The following DCLK2 variants were observed in gnomAD, a reference collection of about 807,000 sequenced individuals.
DCLK2 encodes doublecortin like kinase 2, also known as serine/threonine-protein kinase DCLK2.
Under a neutral mutation model 78.4 loss-of-function variants are expected in DCLK2, and 31 were observed. The observed-to-expected ratio is 0.40, with a 90% CI of 0.30 to 0.53. The LOEUF (loss-of-function observed/expected upper bound fraction) is 0.53. Among genes scored for constraint, DCLK2 ranks in the 20% least tolerant of loss-of-function variants. The pLI is 0.61. For synonymous variants in DCLK2, 407 were observed against 374.9 expected (o/e 1.09, Z -0.99); for missense variants, 872 against 973.7 (o/e 0.90, Z 1.39).
At chr4:150,254,189 G>C (rs944704816) in intron 15 of DCLK2, among the ~76,000 whole-genome samples, 22 of 152,228 alleles carry the variant, frequency 1.4e-4, no homozygotes, top group Non-Finnish European at 2.9e-5. Flanking sequence ...GCCGTCACTC[G>C]GCGCCTGCGG....
chr4:150,190,452 A>G (rs1286605473), intron 2 of DCLK2, among the ~76,000 whole-genome samples: 2 of 152,156 alleles, frequency 1.3e-5, no homozygotes, highest in East Asian at 3.8e-4. Flanking sequence ...TATCCATACC[A>G]TGGACTATTC....
intron 2 of DCLK2, among the ~76,000 whole-genome samples, chr4:150,144,346 T>C (rs1209071679): frequency 6.6e-6 from 1 of 152,192 alleles, no homozygotes; most frequent in African/African-American, 2.4e-5. Flanking sequence ...GGTGTCCTTT[T>C]CCCATTTATT....
chr4:150,119,687 CA>C (rs1169403487), intron 2 of DCLK2, among the ~76,000 whole-genome samples: 1 of 151,868 alleles, frequency 6.6e-6, no homozygotes, highest in Non-Finnish European at 1.5e-5. Flanking sequence ...AGTTGACTAG[CA>C]TGTTGATTTT....
At chr4:150,121,069 C>CT (rs978414885) in intron 2 of DCLK2, among the ~76,000 whole-genome samples, 6 of 151,150 alleles carry the variant, frequency 4.0e-5, no homozygotes, top group African/African-American at 1.5e-4. Flanking sequence ...GAAACTTTGT[C>CT]TAAAAAAAAA....
At chr4:150,230,236 C>G (rs140563772) in intron 8 of DCLK2, among the ~76,000 whole-genome samples, 2 of 152,244 alleles carry the variant, frequency 1.3e-5, no homozygotes, top group African/African-American at 4.8e-5. Context: ...AGGAGAAGTT[C>G]CACAATGTAT....
At chr4:150,127,359 C>T (rs1159683550) in intron 2 of DCLK2, among the ~76,000 whole-genome samples, 1 of 152,160 alleles carries the variant, frequency 6.6e-6, no homozygotes, top group Non-Finnish European at 1.5e-5. Context: ...TTTCCTTCTA[C>T]ATTTATTAAC....
At chr4:150,187,006 G>A (rs962941925) in intron 2 of DCLK2, among the ~76,000 whole-genome samples, 4 of 151,860 alleles carry the variant, frequency 2.6e-5, no homozygotes, top group Admixed American at 6.6e-5. Flanking sequence ...TGTTAAATAT[G>A]CAAATGTAAT....
At chr4:150,118,919 G>A (rs1732309968) in intron 2 of DCLK2, among the ~76,000 whole-genome samples, 1 of 152,094 alleles carries the variant, frequency 6.6e-6, no homozygotes, top group African/African-American at 2.4e-5. Flanking sequence ...CAGCTACTTG[G>A]GAGGCTGAGG....
intron 12 of DCLK2, 71 bp downstream of exon 12, chr4:150,240,547 C>A: frequency 7.4e-7 from 1 of 1,357,398 alleles, no homozygotes; most frequent in Non-Finnish European, 1.0e-6. Context: ...AGGTACTTTG[C>A]TCCTGGAAGT....
At chr4:150,140,138 AAAACAT>A (rs2150211725) in intron 2 of DCLK2, among the ~76,000 whole-genome samples, 1 of 152,316 alleles carries the variant, frequency 6.6e-6, no homozygotes, top group African/African-American at 2.4e-5. Flanking sequence ...CCCTCCATAG[AAAACAT>A]AAACATAATA....
At chr4:150,088,370 C>G (rs1729788320) in intron 1 of DCLK2, among the ~76,000 whole-genome samples, 2 of 149,490 alleles carry the variant, frequency 1.3e-5, no homozygotes, top group Admixed American at 1.3e-4. Flanking sequence ...GCAGTGGCTG[C>G]TTGATAAATG....
chr4:150,107,111 C>T (rs981291512), intron 2 of DCLK2, among the ~76,000 whole-genome samples: 7 of 152,262 alleles, frequency 4.6e-5, no homozygotes, highest in Non-Finnish European at 8.8e-5. Context: ...CATCCTACAA[C>T]GTGCAGGACA....
chr4:150,239,441 TAAAG>T (rs929532449), intron 10 of DCLK2, among the ~76,000 whole-genome samples: 2 of 151,880 alleles, frequency 1.3e-5, no homozygotes, highest in African/African-American at 2.4e-5. Context: ...CTACAAAAAA[TAAAG>T]AAATTAGCCT....
chr4:150,185,792 A>G (rs1361222506), intron 2 of DCLK2, among the ~76,000 whole-genome samples: 1 of 152,232 alleles, frequency 6.6e-6, no homozygotes, highest in Non-Finnish European at 1.5e-5. Context: ...TAGATACCAA[A>G]TAGGGAAAGA....
At chr4:150,094,977 C>T (rs1258137604) in intron 1 of DCLK2, among the ~76,000 whole-genome samples, 1 of 152,148 alleles carries the variant, frequency 6.6e-6, no homozygotes, top group African/African-American at 2.4e-5. Context: ...ACTTATGCAA[C>T]AAAATCACCT....
intron 2 of DCLK2, among the ~76,000 whole-genome samples, chr4:150,176,322 A>C (rs1737086071): frequency 6.6e-6 from 1 of 152,184 alleles, no homozygotes; most frequent in Admixed American, 6.5e-5. Context: ...GCGCAGGCAC[A>C]GTGCTGAGTG....
At chr4:150,243,424 A>G (rs1470961605) in intron 12 of DCLK2, among the ~76,000 whole-genome samples, 4 of 151,918 alleles carry the variant, frequency 2.6e-5, no homozygotes, top group Non-Finnish European at 4.4e-5. Flanking sequence ...CATTCTGGGT[A>G]GATTTTATAA....
intron 2 of DCLK2, among the ~76,000 whole-genome samples, chr4:150,165,794 A>G (rs970979662): frequency 6.6e-6 from 1 of 152,248 alleles, no homozygotes; most frequent in Non-Finnish European, 1.5e-5. Context: ...TTGGAAACTT[A>G]ATCCCCAGTG....
intron 1 of DCLK2, among the ~76,000 whole-genome samples, chr4:150,080,115 C>CCCA (rs1457287937): frequency 2.4e-4 from 36 of 149,710 alleles, no homozygotes; most frequent in Non-Finnish European, 4.1e-4. Flanking sequence ...TCAAAAGCCC[C>CCCA]CCCCCCAGGT....
Sources: allele counts gnomAD v4.1 joint callset (sites outside exome capture counted in the v4.1 genomes callset), GRCh38; gene constraint gnomAD v4.1.1; transcripts MANE v1.5; gene names NCBI Gene and HGNC (gene_info 2026-07-23, HGNC 2026-07-21).